Variants in CAST observed in about 807,000 individuals in gnomAD.
The protein encoded by CAST is calpastatin, also known as MIR583 host.
A neutral mutation model predicts 119.6 loss-of-function variants in CAST; 76 were observed. That is an observed-to-expected ratio of 0.64 (90% CI 0.53 to 0.77). CAST has a LOEUF of 0.77. CAST is among the 30% of genes least tolerant of loss of function. The pLI is 0.00. For synonymous variants in CAST, 319 were observed against 331.6 expected (o/e 0.96, Z 0.41); for missense variants, 953 against 946.5 (o/e 1.01, Z -0.09).
intron 1 of CAST, among the ~76,000 whole-genome samples, chr5:96,582,557 A>G (rs1458292821): frequency 1.3e-5 from 2 of 152,172 alleles, no homozygotes; most frequent in Non-Finnish European, 2.9e-5. Flanking sequence ...CCTTGCCAGG[A>G]GCGTGGGCCA....
chr5:96,568,529 C>T (rs868260126), intron 1 of CAST, among the ~76,000 whole-genome samples: 2 of 135,704 alleles, frequency 1.5e-5, no homozygotes, highest in Middle Eastern at 8.3e-3. Context: ...TGCACCACTG[C>T]ACTCCAGCCT....
the CAST span, among the ~76,000 whole-genome samples, chr5:96,066,719 G>A: frequency 6.6e-6 from 1 of 151,942 alleles, no homozygotes; most frequent in East Asian, 1.9e-4. Flanking sequence ...GAGTACAGTG[G>A]TGTGATCATA....
At chr5:95,987,673 T>C in the CAST span, among the ~76,000 whole-genome samples, 3 of 152,322 alleles carry the variant, frequency 2.0e-5, no homozygotes, top group South Asian at 6.2e-4. Context: ...TCTCTGAGCC[T>C]TAGTTTCTCT....
the CAST span, among the ~76,000 whole-genome samples, chr5:96,188,417 G>C: frequency 6.6e-6 from 1 of 151,894 alleles, no homozygotes; most frequent in Non-Finnish European, 1.5e-5. Flanking sequence ...TAAATGTTGT[G>C]GATTTAACCT....
the CAST span, among the ~76,000 whole-genome samples, chr5:96,282,271 A>T: frequency 2.6e-5 from 4 of 152,220 alleles, no homozygotes; most frequent in Admixed American, 2.0e-4. Context: ...CTCCAGCTTC[A>T]GCATGAGAAC....
At chr5:96,303,850 T>C in the CAST span, among the ~76,000 whole-genome samples, 2 of 152,222 alleles carry the variant, frequency 1.3e-5, no homozygotes, top group Non-Finnish European at 2.9e-5. Flanking sequence ...AGTCTATCAT[T>C]AATGGGCATT....
chr5:96,297,892 G>A, the CAST span, among the ~76,000 whole-genome samples: 1 of 152,138 alleles, frequency 6.6e-6, no homozygotes, highest in Non-Finnish European at 1.5e-5. Context: ...ATGCTTGTAA[G>A]CAAGTTAGAA....
At chr5:96,197,450 A>C in the CAST span, among the ~76,000 whole-genome samples, 2 of 151,948 alleles carry the variant, frequency 1.3e-5, no homozygotes, top group Non-Finnish European at 2.9e-5. Flanking sequence ...ACTGTAGAAA[A>C]CTCCTCAAGT....
chr5:96,699,416 A>G (rs1243496322), intron 3 of CAST, among the ~76,000 whole-genome samples: 2 of 152,248 alleles, frequency 1.3e-5, no homozygotes, highest in African/African-American at 2.4e-5. Flanking sequence ...TAGCTGGTAG[A>G]GAAATCCAGG....
the CAST span, among the ~76,000 whole-genome samples, chr5:95,997,856 T>G: frequency 6.6e-6 from 1 of 151,918 alleles, no homozygotes; most frequent in African/African-American, 2.4e-5. Flanking sequence ...GAATAAGGAC[T>G]CTATAAAAAT....
chr5:96,618,822 G>T (rs1408763457), intron 1 of CAST, among the ~76,000 whole-genome samples: 1 of 152,238 alleles, frequency 6.6e-6, no homozygotes, highest in African/African-American at 2.4e-5. Flanking sequence ...GGGGACCTGA[G>T]CCTCCCCGAC....
the CAST span, among the ~76,000 whole-genome samples, chr5:96,504,524 C>CTTTTTTT: frequency 6.8e-6 from 1 of 146,682 alleles, no homozygotes; most frequent in Non-Finnish European, 1.5e-5. Context: ...GCTTAGAATA[C>CTTTTTTT]TTTTTTTTTT....
chr5:96,185,488 C>G, the CAST span, among the ~76,000 whole-genome samples: 1 of 152,152 alleles, frequency 6.6e-6, no homozygotes, highest in Non-Finnish European at 1.5e-5. Flanking sequence ...TTGGGTTTTA[C>G]ATTGAAGTCT....
At chr5:96,179,746 T>C in the CAST span, among the ~76,000 whole-genome samples, 1 of 152,062 alleles carries the variant, frequency 6.6e-6, no homozygotes, top group Non-Finnish European at 1.5e-5. Flanking sequence ...TTAGAACTGG[T>C]AGAGTGTAGG....
At chr5:96,042,651 T>C in the CAST span, among the ~76,000 whole-genome samples, 1 of 152,126 alleles carries the variant, frequency 6.6e-6, no homozygotes, top group African/African-American at 2.4e-5. Context: ...ATTATCATAG[T>C]AAAAAGTTGG....
the CAST span, among the ~76,000 whole-genome samples, chr5:96,419,068 T>G: frequency 2.0e-5 from 3 of 152,002 alleles, no homozygotes; most frequent in Non-Finnish European, 4.4e-5. Flanking sequence ...AATATCCTTG[T>G]CACACATGTT....
At chr5:96,694,351 T>C (rs747518616) in intron 2 of CAST, among the ~76,000 whole-genome samples, 12 of 152,154 alleles carry the variant, frequency 7.9e-5, no homozygotes, top group Non-Finnish European at 1.6e-4. Context: ...TAAAGCTTTA[T>C]ACTTGGCCAG....
At chr5:96,047,539 G>T in the CAST span, among the ~76,000 whole-genome samples, 2 of 152,256 alleles carry the variant, frequency 1.3e-5, no homozygotes, top group East Asian at 3.9e-4. Context: ...TCTGTAATTT[G>T]CCTCTCATAT....
At position 96,763,303 on chromosome 5, in the gene CAST, C is replaced by A; in HGVS notation, c.1932+931C>A. The A allele has an allele frequency of 9.0e-6, 7 of 779,208 alleles. No individual in the cohort carries two copies. The South Asian group carries it at 9.4e-5, about 10-fold the overall frequency. The allele number at this position is 779,208 out of a possible 1,614,324, so 48.3% of individuals were successfully genotyped here. A position where few individuals can be genotyped will look rare whatever the true frequency, so the allele number is the denominator to read the frequency against. On this transcript the variant is annotated intron_variant, in intron 25 of 31. Coordinates refer to ENST00000675179, the MANE Select transcript of CAST (RefSeq NM_001750.7). ...CAGCTCTACCATTAGCAGCTATAAT[C>A]CTGGATTATAATAAAGCACTTAAAA...
Sources: gnomAD v4.1 joint callset for allele counts (sites outside exome capture counted in the v4.1 genomes callset) on GRCh38, gnomAD v4.1.1 for gene constraint, MANE v1.5 for transcripts, NCBI Gene and HGNC (gene_info 2026-07-23, HGNC 2026-07-21) for gene names.